OPCML: variants seen among roughly 807,000 people sequenced by gnomAD.
OPCML encodes the protein opioid-binding protein/cell adhesion molecule.
OPCML carries 13 observed loss-of-function variants against 37.8 expected under a neutral mutation model. That is an observed-to-expected ratio of 0.34 (90% CI 0.22 to 0.55). The LOEUF (loss-of-function observed/expected upper bound fraction) is 0.55. Among genes scored for constraint, OPCML ranks in the 20% least tolerant of loss-of-function variants. The pLI is 0.91. For synonymous variants in OPCML, 176 were observed against 168.8 expected, an observed-to-expected ratio of 1.04 and a Z score of -0.33; for missense variants, 341 against 435.6, an observed-to-expected ratio of 0.78 and a Z score of 1.93.
intron 1 of OPCML, among the ~76,000 whole-genome samples, chr11:133,385,798 A>G (rs1048654726): frequency 5.3e-5 from 8 of 152,174 alleles, no homozygotes; most frequent in African/African-American, 1.9e-4. Context: ...GTAACATATT[A>G]TAATCTCTGT....
chr11:132,552,108 G>C (rs568926670), intron 3 of OPCML, among the ~76,000 whole-genome samples: 3 of 152,302 alleles, frequency 2.0e-5, no homozygotes, highest in Admixed American at 2.0e-4. Context: ...CAGATTACAA[G>C]GCCCTGCCTC....
intron 2 of OPCML, among the ~76,000 whole-genome samples, chr11:132,701,741 C>T (rs1190314521): frequency 2.0e-5 from 3 of 146,524 alleles, no homozygotes; most frequent in Admixed American, 6.8e-5. Flanking sequence ...TCCCTTGCTG[C>T]CTTTCTTTGC....
At chr11:132,777,579 ATC>A (rs1209848663) in intron 2 of OPCML, among the ~76,000 whole-genome samples, 1 of 152,192 alleles carries the variant, frequency 6.6e-6, no homozygotes, top group African/African-American at 2.4e-5. Flanking sequence ...TGCATAATTA[ATC>A]TGTCAACATT....
intron 3 of OPCML, among the ~76,000 whole-genome samples, chr11:132,601,076 A>T (rs531664400): frequency 6.6e-6 from 1 of 152,280 alleles, no homozygotes; most frequent in Non-Finnish European, 1.5e-5. Flanking sequence ...GAATTAAATA[A>T]TAACTGTCAA....
At chr11:132,614,659 T>C (rs1938876983) in intron 3 of OPCML, among the ~76,000 whole-genome samples, 2 of 152,334 alleles carry the variant, frequency 1.3e-5, no homozygotes, top group Non-Finnish European at 2.9e-5. Flanking sequence ...CTAGTTGAAA[T>C]GAGGAGAGAA....
intron 2 of OPCML, among the ~76,000 whole-genome samples, chr11:132,899,925 C>G (rs1294277588): frequency 2.0e-5 from 3 of 152,138 alleles, no homozygotes; most frequent in African/African-American, 7.2e-5. Context: ...GCAACCCCCA[C>G]TCCCACCCCA....
At chr11:132,758,929 T>C (rs117642284) in intron 2 of OPCML, among the ~76,000 whole-genome samples, 4,696 of 152,170 alleles carry the variant, frequency 0.031, 101 homozygotes, top group African/African-American at 0.07. Context: ...ATGATATTGG[T>C]TGTGGGTTTG....
At chr11:132,712,741 C>T (rs1240619975) in intron 2 of OPCML, among the ~76,000 whole-genome samples, 1 of 152,224 alleles carries the variant, frequency 6.6e-6, no homozygotes, top group Non-Finnish European at 1.5e-5. Flanking sequence ...GCAATTTCAG[C>T]TCTCGCTTCT....
intron 2 of OPCML, among the ~76,000 whole-genome samples, chr11:132,875,705 C>T (rs1382952437): frequency 6.6e-6 from 1 of 152,080 alleles, no homozygotes; most frequent in East Asian, 1.9e-4. Context: ...CTCAGGGGCC[C>T]ACCCGCCTCG....
chr11:132,922,099 C>T (rs915028367), intron 2 of OPCML, among the ~76,000 whole-genome samples: 4 of 151,988 alleles, frequency 2.6e-5, no homozygotes, highest in South Asian at 2.1e-4. Flanking sequence ...AGGCTGGTCT[C>T]GAACTCCTGA....
intron 2 of OPCML, among the ~76,000 whole-genome samples, chr11:132,896,056 G>A (rs1943829691): frequency 6.6e-6 from 1 of 152,156 alleles, no homozygotes; most frequent in Non-Finnish European, 1.5e-5. Context: ...TCAGAGCCGA[G>A]GTCCTCAATT....
intron 1 of OPCML, among the ~76,000 whole-genome samples, chr11:133,512,105 A>G (rs1416848773): frequency 6.6e-6 from 1 of 152,204 alleles, no homozygotes; most frequent in African/African-American, 2.4e-5. Context: ...CCTGCAGGTT[A>G]AGAGCTTGGT....
intron 1 of OPCML, among the ~76,000 whole-genome samples, chr11:133,023,892 C>T (rs1852014841): frequency 6.6e-6 from 1 of 152,180 alleles, no homozygotes; most frequent in Non-Finnish European, 1.5e-5. Flanking sequence ...AATCGAGTTT[C>T]ATTCTGTGGG....
intron 1 of OPCML, among the ~76,000 whole-genome samples, chr11:132,954,163 G>A (rs923742077): frequency 6.6e-6 from 1 of 151,492 alleles, no homozygotes; most frequent in Non-Finnish European, 1.5e-5. Context: ...TTTTTTGTTT[G>A]TTTTGGTGGG....
At position 132,629,607 on chromosome 11, in the gene OPCML, A is replaced by C. The variant is rs564705101; in HGVS notation, c.379+27480T>G. 1.6e-3 allele frequency among the ~76,000 whole-genome samples: 251 copies of C among 152,284 alleles called. 1 individual carries two copies. Among genetic ancestry groups the C allele is most frequent in the Middle Eastern group, 0.01 (3 of 294 alleles). On this transcript the variant is annotated intron_variant, in intron 3 of 7. Transcript: ENST00000524381. ...TATTATGCCAATAATATCCTCTTTT[A>C]AAATGTCAGAAACATCTAAAAATGA...
At chr11:133,528,994 C>A (rs1948547008) in intron 1 of OPCML, among the ~76,000 whole-genome samples, 1 of 152,230 alleles carries the variant, frequency 6.6e-6, no homozygotes, top group Non-Finnish European at 1.5e-5. Flanking sequence ...GCCTCAGGAA[C>A]TGAGCCTTGG....
Position 132,418,008 on chromosome 11 carries a change from G to C in OPCML, c.*2185C>G, listed in dbSNP as rs2095944406. On this transcript the variant is annotated 3_prime_UTR_variant, in exon 8 of 8. Transcript: ENST00000524381. ...CACCAGCTCTACCTCTTAAGACAGT[G>C]CTTAGCATTTAGTGTGCCAAGATAG... is the stretch of plus-strand genomic sequence containing the variant. 6.6e-6 allele frequency: 1 copy of C among 152,188 alleles called. No individual in the cohort carries two copies. 9.4% of individuals were successfully genotyped at this position (152,188 alleles called of 1,614,324 possible). A position where few individuals can be genotyped will look rare whatever the true frequency, so the allele number is the denominator to read the frequency against.
At chr11:132,777,890 C>T (rs1018989583) in intron 2 of OPCML, among the ~76,000 whole-genome samples, 3 of 152,234 alleles carry the variant, frequency 2.0e-5, no homozygotes, top group East Asian at 1.9e-4. Context: ...TGAGATAAAC[C>T]TTTTCTCTCT....
chr11:132,837,636 G>A (rs1467852478), intron 2 of OPCML, among the ~76,000 whole-genome samples: 1 of 152,164 alleles, frequency 6.6e-6, no homozygotes, highest in Non-Finnish European at 1.5e-5. Flanking sequence ...GGTGTGCAGG[G>A]GACAGGTGTG....
Sources: allele counts gnomAD v4.1 joint callset (sites outside exome capture counted in the v4.1 genomes callset), GRCh38; gene constraint gnomAD v4.1.1; transcripts MANE v1.5; gene names NCBI Gene and HGNC (gene_info 2026-07-23, HGNC 2026-07-21).